Variants in CCDC73 observed in about 807,000 individuals in gnomAD.
CCDC73 encodes coiled-coil domain containing 73, also known as coiled-coil domain-containing protein 73.
CCDC73 carries 95 observed loss-of-function variants against 116.5 expected under a neutral mutation model. That is an observed-to-expected ratio of 0.82 (90% CI 0.69 to 0.97). The LOEUF (loss-of-function observed/expected upper bound fraction) is 0.97, where lower values mean the gene tolerates loss of function less well. CCDC73 is among the 50% of genes least tolerant of loss of function. The pLI is 0.00. For missense variants in CCDC73, 1,066 were observed against 1,206.8 expected, an observed-to-expected ratio of 0.88 and a Z score of 1.73; for synonymous variants, 398 against 401.3, an observed-to-expected ratio of 0.99 and a Z score of 0.10.
At chr11:32,664,530 C>T (rs1855962199) in intron 9 of CCDC73, among the ~76,000 whole-genome samples, 2 of 152,014 alleles carry the variant, frequency 1.3e-5, no homozygotes, top group Admixed American at 1.3e-4. Flanking sequence ...GGTGATATCC[C>T]CTTTATCCTT....
intron 9 of CCDC73, among the ~76,000 whole-genome samples, chr11:32,667,366 G>T (rs1855994802): frequency 6.6e-6 from 1 of 152,206 alleles, no homozygotes; most frequent in Non-Finnish European, 1.5e-5. Flanking sequence ...GCAATGGTGG[G>T]TGCCCCTCCC....
the CCDC73 span, among the ~76,000 whole-genome samples, chr11:32,810,033 A>G: frequency 6.6e-6 from 1 of 152,218 alleles, no homozygotes; most frequent in Non-Finnish European, 1.5e-5. Flanking sequence ...TAACTTCATT[A>G]TATTATATGT....
chr11:32,652,487 G>T (rs946724951), intron 12 of CCDC73, among the ~76,000 whole-genome samples: 2 of 152,066 alleles, frequency 1.3e-5, no homozygotes, highest in Non-Finnish European at 2.9e-5. Flanking sequence ...TCCCCTTCTT[G>T]TATCTCAATC....
chr11:32,685,086 G>A (rs1856183624), intron 6 of CCDC73, among the ~76,000 whole-genome samples: 1 of 151,928 alleles, frequency 6.6e-6, no homozygotes, highest in South Asian at 2.1e-4. Context: ...TTAAGCAAAA[G>A]TACAATAATT....
intron 8 of CCDC73, 52 bp from the exon 9 acceptor site, chr11:32,675,696 A>G (rs762651499): frequency 2.0e-5 from 28 of 1,401,386 alleles, no homozygotes; most frequent in Admixed American, 4.3e-5. Context: ...TATATTTCAA[A>G]GAAAGTATCA....
intron 10 of CCDC73, 30 bp from the exon 11 acceptor site, chr11:32,654,067 G>C: frequency 6.4e-7 from 1 of 1,557,930 alleles, no homozygotes; most frequent in African/African-American, 1.4e-5. Context: ...TTAAAGTTAT[G>C]ATATAAAATT....
chr11:32,712,367 G>T (rs1363977331), intron 3 of CCDC73, among the ~76,000 whole-genome samples: 1 of 152,036 alleles, frequency 6.6e-6, no homozygotes, highest in African/African-American at 2.4e-5. Context: ...CATGTAGTAA[G>T]CATAGTTAAT....
chr11:32,660,642 T>C (rs1016810729), intron 9 of CCDC73, among the ~76,000 whole-genome samples: 1 of 151,626 alleles, frequency 6.6e-6, no homozygotes, highest in East Asian at 1.9e-4. Flanking sequence ...CTAGGCAACA[T>C]AGTGAGACCC....
the CCDC73 span, among the ~76,000 whole-genome samples, chr11:32,804,533 C>G: frequency 6.6e-6 from 1 of 152,194 alleles, no homozygotes; most frequent in Non-Finnish European, 1.5e-5. Context: ...TGAATTAGCT[C>G]AGTTTTCACG....
chr11:32,695,534 T>G (rs1358276471), intron 6 of CCDC73, among the ~76,000 whole-genome samples: 2 of 152,188 alleles, frequency 1.3e-5, no homozygotes, highest in Admixed American at 1.3e-4. Context: ...GCAGTTTCAC[T>G]TGTGGTAAAG....
chr11:32,778,102 A>T (rs1485432037), intron 1 of CCDC73, among the ~76,000 whole-genome samples: 2 of 152,246 alleles, frequency 1.3e-5, no homozygotes, highest in African/African-American at 2.4e-5. Context: ...TTAAAACAAC[A>T]ACAAAAACAT....
chr11:32,683,477 C>T lies in CCDC73; in HGVS notation c.429+59G>A, dbSNP rs749177598. On this transcript the variant is annotated intron_variant, in intron 7 of 17. Transcript: ENST00000335185. ...AAATGTCACATTTTATTCCCAAAAACACCAATCCCCCTAAGTACTAATCCA... is the reference window on the plus strand; with the variant it reads ...AAATGTCACATTTTATTCCCAAAAATACCAATCCCCCTAAGTACTAATCCA... 1.3e-5 allele frequency: 14 copies of T among 1,088,372 alleles called. No individual in the cohort carries two copies. In the South Asian group the frequency reaches 1.6e-4, roughly 13 times the overall value. The allele number at this position is 1,088,372 out of a possible 1,614,324, so 67.4% of individuals were successfully genotyped here. A position where few individuals can be genotyped will look rare whatever the true frequency, so the allele number is the denominator to read the frequency against.
At chr11:32,683,506 G>A (rs745530798) in intron 7 of CCDC73, 30 bp downstream of exon 7, 5 of 1,423,984 alleles carry the variant, frequency 3.5e-6, no homozygotes, top group East Asian at 2.3e-5. Flanking sequence ...TAATCCAGAT[G>A]GGGGAAAATA....
At position 32,614,584 on chromosome 11, in the gene CCDC73, A is replaced by G. The variant is rs1420037531; in HGVS notation, c.1734T>C (p.Ser578=). The G allele has an allele frequency of 1.2e-6, 2 of 1,606,228 alleles. No individual in the cohort carries two copies. ...EVENNKTSFN[S]ILNETAHNTY... is the part of the protein sequence containing the mutation. ...TATTGTGTGCTGTCTCATTTAAAAT[A>G]CTGTTAAATGATGTTTTGTTATTTT... is the stretch of plus-strand genomic sequence containing the variant. The change falls in exon 16 of 18, where the codon AGT becomes AGC. Residue 578 remains serine, a synonymous_variant. Coordinates refer to ENST00000335185, the MANE Select transcript of CCDC73 (RefSeq NM_001008391.4).
chr11:32,752,643 T>A (rs1404967930), intron 2 of CCDC73, among the ~76,000 whole-genome samples: 1 of 152,214 alleles, frequency 6.6e-6, no homozygotes, highest in African/African-American at 2.4e-5. Context: ...TAATCTGCAT[T>A]TATTTTATTA....
rs749881877 is a variant in CCDC73 at position 32,654,956 on chromosome 11, G to C, written c.662C>G (p.Ala221Gly). The C allele has an allele frequency of 3.1e-6, 5 of 1,591,678 alleles. No individual in the cohort carries two copies. In the East Asian group the frequency reaches 6.8e-5, roughly 22 times the overall value. ...GACTTTGGACTTTATCAAGTCTGAG[G>C]CTGCTTTTTTTAGTTCCTTAATAAG... Reference protein sequence around the residue: ...CSLKKELKKAASDLIKSKVTC... With the variant: ...CSLKKELKKAGSDLIKSKVTC... Residue 221 changes from alanine (A) to glycine (G), a missense_variant, in exon 10 of 18, where the codon GCC becomes GGC. Coordinates refer to ENST00000335185, the MANE Select transcript of CCDC73 (RefSeq NM_001008391.4).
intron 2 of CCDC73, among the ~76,000 whole-genome samples, chr11:32,734,049 A>G (rs575328811): frequency 4.6e-5 from 7 of 152,348 alleles, no homozygotes; most frequent in African/African-American, 1.4e-4. Flanking sequence ...AAAAAAGGAG[A>G]GAAGAATCAA....
intron 14 of CCDC73, among the ~76,000 whole-genome samples, chr11:32,616,397 A>G (rs1855475221): frequency 6.6e-6 from 1 of 152,230 alleles, no homozygotes; most frequent in Non-Finnish European, 1.5e-5. Context: ...ATATAATACC[A>G]CATTATATGT....
At chr11:32,745,747 T>TTTGG (rs1565091507) in intron 2 of CCDC73, among the ~76,000 whole-genome samples, 693 of 16,576 alleles carry the variant, frequency 0.042, 8 homozygotes, top group Admixed American at 0.17. Context: ...TTGTTTTGGT[T>TTTGG]TTTTTTTTTT....
Sources: gnomAD v4.1 joint callset for allele counts (sites outside exome capture counted in the v4.1 genomes callset) on GRCh38, gnomAD v4.1.1 for gene constraint, MANE v1.5 for transcripts, NCBI Gene and HGNC (gene_info 2026-07-23, HGNC 2026-07-21) for gene names.